THSD4: variants seen among roughly 807,000 people sequenced by gnomAD.
The protein encoded by THSD4 is thrombospondin type 1 domain containing 4, also known as thrombospondin type-1 domain-containing protein 4.
A neutral mutation model predicts 119.0 loss-of-function variants in THSD4; 69 were observed. The ratio of observed to expected loss-of-function variants is 0.58; its 90% CI spans 0.48 to 0.71. The LOEUF (loss-of-function observed/expected upper bound fraction) is 0.71. Among genes scored for constraint, THSD4 ranks in the 30% least tolerant of loss-of-function variants. The probability of loss-of-function intolerance (pLI) is 0.00; values close to 1 mark genes in which losing one functional copy is unlikely to be tolerated. For missense variants in THSD4, 1,393 were observed against 1,391.1 expected, an observed-to-expected ratio of 1.00 and a Z score of -0.02; for synonymous variants, 524 against 540.4, an observed-to-expected ratio of 0.97 and a Z score of 0.42.
chr15:71,586,311 T>C (rs1287538636), intron 7 of THSD4, among the ~76,000 whole-genome samples: 8 of 152,200 alleles, frequency 5.3e-5, no homozygotes, highest in Non-Finnish European at 1.2e-4. Flanking sequence ...TCACAATTTC[T>C]ATAGGTCAGA....
At chr15:71,258,750 T>G (rs145807127) in intron 6 of THSD4, among the ~76,000 whole-genome samples, 111 of 152,234 alleles carry the variant, frequency 7.3e-4, no homozygotes, top group African/African-American at 2.5e-3. Context: ...CCTGGAACCT[T>G]AGAATGTGAC....
intron 6 of THSD4, among the ~76,000 whole-genome samples, chr15:71,407,895 T>TG (rs2046629543): frequency 6.6e-6 from 1 of 152,218 alleles, no homozygotes; most frequent in African/African-American, 2.4e-5. Context: ...ACGCAGGTGA[T>TG]GCTGGTGCTG....
At chr15:71,726,618 A>G (rs1450117222) in intron 8 of THSD4, among the ~76,000 whole-genome samples, 4 of 152,226 alleles carry the variant, frequency 2.6e-5, no homozygotes, top group African/African-American at 9.6e-5. Context: ...TGGCCATCAC[A>G]GGTCCACTAT....
chr15:71,723,141 A>C (rs1400676244), intron 8 of THSD4, among the ~76,000 whole-genome samples: 1 of 151,518 alleles, frequency 6.6e-6, no homozygotes, highest in African/African-American at 2.4e-5. Flanking sequence ...TTGTATACTC[A>C]TAGAAGTATA....
At chr15:71,686,997 G>A (rs1326015369) in intron 8 of THSD4, among the ~76,000 whole-genome samples, 1 of 152,160 alleles carries the variant, frequency 6.6e-6, no homozygotes, top group African/African-American at 2.4e-5. Context: ...TCTTAAAGGA[G>A]AGTTCTACCA....
intron 7 of THSD4, among the ~76,000 whole-genome samples, chr15:71,446,851 T>C (rs2047188886): frequency 6.6e-6 from 1 of 152,184 alleles, no homozygotes; most frequent in Non-Finnish European, 1.5e-5. Flanking sequence ...TATTCTTTCT[T>C]GTGCATGCTC....
chr15:71,534,501 A>G (rs1387113667), intron 7 of THSD4, among the ~76,000 whole-genome samples: 2 of 152,058 alleles, frequency 1.3e-5, no homozygotes, highest in African/African-American at 4.8e-5. Flanking sequence ...GGTCATTCCC[A>G]TTTTTATCAT....
chr15:71,741,179 G>A (rs1244459205), intron 11 of THSD4, among the ~76,000 whole-genome samples: 3 of 152,152 alleles, frequency 2.0e-5, no homozygotes, highest in African/African-American at 7.2e-5. Flanking sequence ...CATAAAGAAT[G>A]TGGATTTACC....
At chr15:71,515,324 T>A (rs1159031296) in intron 7 of THSD4, among the ~76,000 whole-genome samples, 16 of 152,220 alleles carry the variant, frequency 1.1e-4, no homozygotes, top group Admixed American at 1.0e-3. Flanking sequence ...ATTCTGCTAG[T>A]TTGAAATGAA....
intron 6 of THSD4, among the ~76,000 whole-genome samples, chr15:71,381,461 G>A (rs536364304): frequency 1.3e-5 from 2 of 152,284 alleles, no homozygotes; most frequent in South Asian, 4.1e-4. Flanking sequence ...TGGGCTAGCA[G>A]TTTTATAAAG....
intron 7 of THSD4, among the ~76,000 whole-genome samples, chr15:71,450,436 T>G (rs957997361): frequency 6.6e-6 from 1 of 152,030 alleles, no homozygotes; most frequent in Non-Finnish European, 1.5e-5. Context: ...AGAAGACACT[T>G]TGGGTTTGGG....
intron 6 of THSD4, among the ~76,000 whole-genome samples, chr15:71,280,823 G>T (rs1278422287): frequency 6.6e-6 from 1 of 152,184 alleles, no homozygotes; most frequent in Non-Finnish European, 1.5e-5. Flanking sequence ...TGGTTTTTGT[G>T]CCCAGCATAC....
rs540570827 is a variant in THSD4, at chr15:71,241,006, A to T, written c.465-1643A>T. Reference sequence around the variant, plus strand: ...TAAGAATGAAGGTGCAATTAGTAATAAAGATGTTAATAATTAGTTGTGGTC... The same window carrying T: ...TAAGAATGAAGGTGCAATTAGTAATTAAGATGTTAATAATTAGTTGTGGTC... On this transcript the variant is annotated intron_variant, in intron 4 of 17. Transcript: ENST00000261862. Among the ~76,000 whole-genome samples the T allele has an allele frequency of 3.4e-4, 52 of 152,316 alleles. 1 individual carries two copies. Among genetic ancestry groups the T allele is most frequent in the Non-Finnish European group, 4.7e-4 (32 of 68,036 alleles).
rs559361957 is a variant in THSD4 at position 71,462,931 on chromosome 15, A to G, written c.1152+51108A>G. 2.1e-3 allele frequency among the ~76,000 whole-genome samples: 313 copies of G among 152,310 alleles called. 17 individuals are homozygous for G. In the South Asian group the frequency reaches 0.06, roughly 29 times the overall value. On this transcript the variant is annotated intron_variant, in intron 7 of 17. Transcript: ENST00000261862. ...AGAGTTGAGTGAGATTGTTTCTTCC[A>G]GTTGATTTGGATGTTATGTTTCTAT...
At chr15:71,469,871 T>C (rs2047549579) in intron 7 of THSD4, among the ~76,000 whole-genome samples, 2 of 152,152 alleles carry the variant, frequency 1.3e-5, no homozygotes, top group Non-Finnish European at 2.9e-5. Flanking sequence ...ACAAAGACCA[T>C]TGAGCCAATC....
At chr15:71,295,816 C>T (rs918970808) in intron 6 of THSD4, among the ~76,000 whole-genome samples, 2 of 152,202 alleles carry the variant, frequency 1.3e-5, no homozygotes, top group African/African-American at 4.8e-5. Flanking sequence ...TCCCCATCCA[C>T]TCCCACTCCC....
intron 6 of THSD4, among the ~76,000 whole-genome samples, chr15:71,366,162 C>T (rs2045960132): frequency 6.6e-6 from 1 of 152,260 alleles, no homozygotes; most frequent in Admixed American, 6.5e-5. Context: ...CAAGCTCTGC[C>T]TCCCAGGTTC....
intron 8 of THSD4, among the ~76,000 whole-genome samples, chr15:71,671,435 G>C (rs893658407): frequency 3.9e-5 from 6 of 152,072 alleles, no homozygotes; most frequent in African/African-American, 1.4e-4. Flanking sequence ...TCTGTAGGTT[G>C]CCTGTTCACT....
At chr15:71,718,130 CAG>C (rs968067203) in intron 8 of THSD4, among the ~76,000 whole-genome samples, 1 of 134,898 alleles carries the variant, frequency 7.4e-6, no homozygotes, top group Non-Finnish European at 1.5e-5. Flanking sequence ...GCCTGGGCAA[CAG>C]AGCGAGACCC....
Sources: gnomAD v4.1 joint callset for allele counts (sites outside exome capture counted in the v4.1 genomes callset) on GRCh38, gnomAD v4.1.1 for gene constraint, MANE v1.5 for transcripts, NCBI Gene and HGNC (gene_info 2026-07-23, HGNC 2026-07-21) for gene names.